P3H2: variants seen among roughly 807,000 people sequenced by gnomAD.
P3H2 encodes the protein prolyl 3-hydroxylase 2, also known as leprecan-like 1.
In P3H2, 80 loss-of-function variants were observed where a neutral mutation model predicts 87.0. The observed-to-expected ratio is 0.92, with a 90% CI of 0.77 to 1.11. P3H2 has a LOEUF of 1.11. Ranked by LOEUF, P3H2 falls within the 50% of genes least tolerant of loss-of-function variation. The probability of loss-of-function intolerance (pLI) is 0.00; values close to 1 mark genes in which losing one functional copy is unlikely to be tolerated. For missense variants in P3H2, 1,001 were observed against 923.9 expected, an observed-to-expected ratio of 1.08 and a Z score of -1.08; for synonymous variants, 367 against 359.3, an observed-to-expected ratio of 1.02 and a Z score of -0.24.
At chr3:190,069,959 T>TC (rs911955459) in intron 1 of P3H2, among the ~76,000 whole-genome samples, 1 of 152,100 alleles carries the variant, frequency 6.6e-6, no homozygotes, top group Non-Finnish European at 1.5e-5. Context: ...AGTTTTTTTT[T>TC]TTTTTCTTCT....
chr3:190,064,883 A>G (rs1726448197), intron 1 of P3H2, among the ~76,000 whole-genome samples: 1 of 152,144 alleles, frequency 6.6e-6, no homozygotes, highest in Non-Finnish European at 1.5e-5. Flanking sequence ...GATATACAAC[A>G]AAATCAAAAT....
At chr3:190,120,985 C>T, upstream of P3H2, 1 of 515,192 alleles carries the variant, frequency 1.9e-6, no homozygotes, top group Non-Finnish European at 3.3e-6. Flanking sequence ...AGCCGCTCTC[C>T]CAGGCTCCCC....
chr3:190,105,802 G>A (rs2108519016), intron 1 of P3H2, among the ~76,000 whole-genome samples: 1 of 152,256 alleles, frequency 6.6e-6, no homozygotes, highest in Non-Finnish European at 1.5e-5. Flanking sequence ...TAAGTAACTG[G>A]CCCAATGCTG....
rs746987610 is a variant in P3H2, at chr3:189,973,954, T to G, written c.1503A>C (p.Thr501=). The G allele has an allele frequency of 6.2e-6, 10 of 1,614,120 alleles. No individual in the cohort carries two copies. In the South Asian group the frequency reaches 1.1e-4, roughly 18 times the overall value. ...DGYRGKTSPH[T]PNEKFEGATV... ...TTGCACCTTCAAACTTTTCATTGGG[T>G]GTATGGGGTGAAGTTTTTCCTCTGT... is the stretch of plus-strand genomic sequence containing the variant. Residue 501 remains threonine (T), a synonymous_variant, in exon 10 of 15, where the codon ACA becomes ACC. Transcript: ENST00000319332.
At chr3:189,981,148 AAG>A (rs1227397003) in intron 8 of P3H2, among the ~76,000 whole-genome samples, 1 of 152,234 alleles carries the variant, frequency 6.6e-6, no homozygotes. Context: ...CAGTAAACAC[AAG>A]AGTTTCCTGA....
chr3:189,970,883 A>T lies in P3H2; in HGVS notation c.1826T>A (p.Leu609Gln). ...AYTFRDYSAL[L>Q]YMNDDFEGGE... Reference sequence around the variant, plus strand: ...TCCTTCAAAGTCATCATTCATATATAGGAGAGCACTATAAGAATGAAGAGA... The same window carrying T: ...TCCTTCAAAGTCATCATTCATATATTGGAGAGCACTATAAGAATGAAGAGA... Residue 609 changes from leucine to glutamine, a missense_variant, in exon 13 of 15, where the codon CTA becomes CAA. Leu to Gln is a moderately radical substitution (Grantham distance 113, BLOSUM62 -2). Transcript: ENST00000319332. The T allele has an allele frequency of 6.5e-7, 1 of 1,546,904 alleles. No individual in the cohort carries two copies. Among genetic ancestry groups the T allele is most frequent in the Non-Finnish European group, 8.9e-7 (1 of 1,118,824 alleles).
intron 1 of P3H2, among the ~76,000 whole-genome samples, chr3:190,019,785 AATATATATAT>A (rs1210566859): frequency 2.7e-5 from 1 of 37,388 alleles, no homozygotes; most frequent in Admixed American, 2.2e-4. Context: ...GAAATTAAAA[AATATATATAT>A]ATATATATAT....
intron 1 of P3H2, among the ~76,000 whole-genome samples, chr3:190,043,789 T>A (rs967791881): frequency 6.6e-6 from 1 of 152,190 alleles, no homozygotes; most frequent in African/African-American, 2.4e-5. Flanking sequence ...TGAGCCAACA[T>A]GTTCCACAAG....
intron 1 of P3H2, among the ~76,000 whole-genome samples, chr3:190,051,641 A>C (rs1725986687): frequency 6.6e-6 from 1 of 152,268 alleles, no homozygotes; most frequent in African/African-American, 2.4e-5. Context: ...TTTAATTGGA[A>C]CACAAAAAAT....
chr3:189,966,131 GAAAGA>G (rs1560339061), intron 13 of P3H2, among the ~76,000 whole-genome samples: 1 of 51,266 alleles, frequency 2.0e-5, no homozygotes, highest in South Asian at 6.0e-4. Flanking sequence ...GAAAAAGAAA[GAAAGA>G]AAGAAAGAAA....
intron 14 of P3H2, among the ~76,000 whole-genome samples, chr3:189,959,958 T>G (rs1274472927): frequency 6.6e-6 from 1 of 151,212 alleles, no homozygotes; most frequent in Non-Finnish European, 1.5e-5. Flanking sequence ...AGAATACAAT[T>G]CGCATTTCCC....
chr3:190,081,070 C>T (rs1727027438), intron 1 of P3H2, among the ~76,000 whole-genome samples: 1 of 152,156 alleles, frequency 6.6e-6, no homozygotes. Flanking sequence ...TTGTTAGTGT[C>T]TCCAACTGTA....
chr3:190,022,972 A>G (rs569535872), intron 1 of P3H2, among the ~76,000 whole-genome samples: 187 of 152,076 alleles, frequency 1.2e-3, no homozygotes, highest in East Asian at 2.1e-3. Context: ...GACTACAGGC[A>G]CCCACCACCA....
intron 6 of P3H2, among the ~76,000 whole-genome samples, chr3:189,985,698 TG>T (rs901382165): frequency 3.3e-5 from 5 of 151,460 alleles, no homozygotes; most frequent in Non-Finnish European, 5.9e-5. Context: ...TTATATCCTT[TG>T]ATGACAGAAT....
chr3:190,036,396 T>C (rs944403024), intron 1 of P3H2, among the ~76,000 whole-genome samples: 1 of 152,144 alleles, frequency 6.6e-6, no homozygotes, highest in African/African-American at 2.4e-5. Context: ...AAGGGAGTGA[T>C]CAAATTATTT....
intron 8 of P3H2, among the ~76,000 whole-genome samples, chr3:189,981,834 G>A (rs996721401): frequency 1.3e-5 from 2 of 152,208 alleles, no homozygotes; most frequent in African/African-American, 4.8e-5. Flanking sequence ...GGCTGACCAT[G>A]AAGCTCTCTG....
chr3:190,080,559 C>G (rs1727010667), intron 1 of P3H2, among the ~76,000 whole-genome samples: 1 of 152,008 alleles, frequency 6.6e-6, no homozygotes, highest in African/African-American at 2.4e-5. Flanking sequence ...CAACACCACG[C>G]CCAGTTAATT....
In P3H2 at chr3:189,957,374, G is replaced by A. The variant is rs954922656; in HGVS notation, c.*538C>T. 1.5e-5 allele frequency: 6 copies of A among 401,226 alleles called. No homozygotes were observed. The highest frequency in any genetic ancestry group is 2.2e-5 in the Non-Finnish European group (5 of 228,682). The allele number at this position is 401,226 out of a possible 1,614,324, so 24.9% of individuals were successfully genotyped here. A position where few individuals can be genotyped will look rare whatever the true frequency, so the allele number is the denominator to read the frequency against. ...GGTTAATTTTAGAACTGGAGCACAC[G>A]TGAGAGTTGTAGTTTCACCACCAAG... On this transcript the variant is annotated 3_prime_UTR_variant, in exon 15 of 15. Coordinates refer to ENST00000319332, the MANE Select transcript of P3H2 (RefSeq NM_018192.4).
chr3:190,059,330 T>C (rs1225425785), intron 1 of P3H2, among the ~76,000 whole-genome samples: 1 of 152,032 alleles, frequency 6.6e-6, no homozygotes, highest in Non-Finnish European at 1.5e-5. Context: ...GCAACTGTAT[T>C]CCAGGAAGAT....
Sources: allele counts gnomAD v4.1 joint callset (sites outside exome capture counted in the v4.1 genomes callset), GRCh38; gene constraint gnomAD v4.1.1; transcripts MANE v1.5; gene names NCBI Gene and HGNC (gene_info 2026-07-23, HGNC 2026-07-21).